DIPK1A: variants seen among roughly 807,000 people sequenced by gnomAD.
The protein encoded by DIPK1A is divergent protein kinase domain 1A, also known as family with sequence similarity 69 member A.
DIPK1A carries 27 observed loss-of-function variants against 40.8 expected under a neutral mutation model. The ratio of observed to expected loss-of-function variants is 0.66; its 90% CI spans 0.49 to 0.91. DIPK1A has a LOEUF of 0.91. Among genes scored for constraint, DIPK1A ranks in the 40% least tolerant of loss-of-function variants. The probability of loss-of-function intolerance (pLI) is 0.00; values close to 1 mark genes in which losing one functional copy is unlikely to be tolerated. For synonymous variants in DIPK1A, 166 were observed against 171.3 expected, an observed-to-expected ratio of 0.97 and a Z score of 0.24; for missense variants, 412 against 505.7, an observed-to-expected ratio of 0.81 and a Z score of 1.78.
chr1:92,921,538 G>A (rs1650268830), intron 1 of DIPK1A, among the ~76,000 whole-genome samples: 1 of 152,194 alleles, frequency 6.6e-6, no homozygotes, highest in South Asian at 2.1e-4. Context: ...CATCCTAAGT[G>A]CTTTTGAGGA....
At chr1:92,906,200 G>A (rs1457477196) in intron 1 of DIPK1A, among the ~76,000 whole-genome samples, 1 of 152,050 alleles carries the variant, frequency 6.6e-6, no homozygotes, top group Non-Finnish European at 1.5e-5. Flanking sequence ...GCTTGATACT[G>A]TTTTAAATGT....
chr1:92,927,106 CTT>C (rs1650544708), intron 1 of DIPK1A, among the ~76,000 whole-genome samples: 1 of 152,000 alleles, frequency 6.6e-6, no homozygotes, highest in Admixed American at 6.6e-5. Flanking sequence ...TTCTTATTGT[CTT>C]TTAAAAACAG....
chr1:92,866,901 CT>C (rs1259219115), intron 2 of DIPK1A, among the ~76,000 whole-genome samples: 1 of 152,140 alleles, frequency 6.6e-6, no homozygotes, highest in Admixed American at 6.6e-5. Context: ...CAATAAATCT[CT>C]TTATATCACT....
chr1:92,898,126 A>C (rs1324906716), intron 1 of DIPK1A, among the ~76,000 whole-genome samples: 4 of 151,472 alleles, frequency 2.6e-5, no homozygotes, highest in Non-Finnish European at 5.9e-5. Flanking sequence ...AACAAACAAA[A>C]AAAACAAGAG....
Position 92,876,312 on chromosome 1 carries a change from T to A in DIPK1A, c.173A>T (p.Asp58Val). ...STYTELCRGKDCKKIICDKYK... is the reference protein window; with the variant it reads ...STYTELCRGKVCKKIICDKYK... ...AATACTTACTATTATTTTCTTACAG[T>A]CCTTTCCTCTGCATAATTCTGTATA... Residue 58 changes from aspartate to valine, a missense_variant, in exon 2 of 5, where the codon GAC (aspartate) becomes GTC (valine). Coordinates refer to ENST00000370310, the MANE Select transcript of DIPK1A (RefSeq NM_001006605.5). 1 of 1,567,900 alleles carries A rather than the reference T, an allele frequency of 6.4e-7. No individual in the cohort carries two copies. The highest frequency in any genetic ancestry group is 8.7e-7 in the Non-Finnish European group (1 of 1,153,402).
rs918482955 is a variant in DIPK1A at position 92,910,937 on chromosome 1, C to T, written c.55-34507G>A. On this transcript the variant is annotated intron_variant, in intron 1 of 4. Coordinates refer to ENST00000370310, the MANE Select transcript of DIPK1A (RefSeq NM_001006605.5). ...CCACTCCATCACTACTAGTATCCCT[C>T]ATGTTGCCTTTTTATAGCCACATCC... 4.6e-5 allele frequency among the ~76,000 whole-genome samples: 7 copies of T among 152,286 alleles called. No individual in the cohort carries two copies. In the East Asian group the frequency reaches 1.3e-3, roughly 29 times the overall value.
In DIPK1A at chr1:92,857,613, G is replaced by A. The variant is rs372094855; in HGVS notation, c.190-6658C>T. On this transcript the variant is annotated intron_variant, in intron 2 of 4. Coordinates refer to ENST00000370310, the MANE Select transcript of DIPK1A (RefSeq NM_001006605.5). ...CTTGGGATTACAGGAGTGAGCCACC[G>A]TGCCCGGCTGTCATATTGTTTTTTA... is the stretch of plus-strand genomic sequence containing the variant. Among the ~76,000 whole-genome samples the A allele has an allele frequency of 4.6e-5, 7 of 152,182 alleles. No individual in the cohort carries two copies. In the South Asian group the frequency reaches 6.2e-4, roughly 14 times the overall value.
At chr1:92,945,178 A>G (rs1340347504) in intron 1 of DIPK1A, among the ~76,000 whole-genome samples, 2 of 152,152 alleles carry the variant, frequency 1.3e-5, no homozygotes, top group Admixed American at 6.5e-5. Flanking sequence ...AAGAAAAAAA[A>G]GAAGGATTTC....
At chr1:92,954,118 G>A (rs924190741) in intron 1 of DIPK1A, among the ~76,000 whole-genome samples, 12 of 151,972 alleles carry the variant, frequency 7.9e-5, no homozygotes, top group East Asian at 3.9e-4. Flanking sequence ...CGCATACTTC[G>A]TAGATTAAAA....
Position 92,833,574 on chromosome 1 carries a change from C to T in DIPK1A, c.475-540G>A, listed in dbSNP as rs772575122. 9.9e-6 allele frequency: 16 copies of T among 1,613,504 alleles called. No individual in the cohort carries two copies. Among genetic ancestry groups the T allele is most frequent in the Middle Eastern group, 3.5e-4 (2 of 5,744 alleles). On this transcript the variant is annotated intron_variant, in intron 4 of 4. Transcript: ENST00000615519. ...TAAAACTGATTATTATGCTCGGAAACGCTTGGTGATACAAGATAAAAATAA... is the reference window on the plus strand; with the variant it reads ...TAAAACTGATTATTATGCTCGGAAATGCTTGGTGATACAAGATAAAAATAA...
intron 4 of DIPK1A, chr1:92,836,072 G>A (rs1213470254): frequency 3.3e-6 from 3 of 904,142 alleles, no homozygotes; most frequent in East Asian, 2.4e-5. Context: ...AAGGGTGGGT[G>A]TGGAAGGAAA....
At chr1:92,936,570 G>A (rs925946273) in intron 1 of DIPK1A, among the ~76,000 whole-genome samples, 3 of 150,202 alleles carry the variant, frequency 2.0e-5, no homozygotes, top group Admixed American at 6.6e-5. Flanking sequence ...CTGAGGTTGC[G>A]ATGGGCCGAG....
chr1:92,890,452 T>C (rs1648812304), intron 1 of DIPK1A, among the ~76,000 whole-genome samples: 1 of 152,214 alleles, frequency 6.6e-6, no homozygotes, highest in Admixed American at 6.5e-5. Flanking sequence ...GGCTGTGGGT[T>C]TGTCATAGAT....
intron 1 of DIPK1A, among the ~76,000 whole-genome samples, chr1:92,943,386 A>G (rs1337937369): frequency 6.6e-6 from 1 of 152,140 alleles, no homozygotes; most frequent in Non-Finnish European, 1.5e-5. Flanking sequence ...CCAATCTGTC[A>G]GTTGGAACAC....
At position 92,834,793 on chromosome 1, in the gene DIPK1A, T is replaced by A. The variant is rs1031900489; in HGVS notation, c.475-1759A>T. ...TCTTACTATAGATTGCTTATGCCCG[T>A]ATAGAGGGGGATATGATAGTCTGCG... On this transcript the variant is annotated intron_variant, in intron 4 of 4. Coordinates refer to the DIPK1A transcript ENST00000615519. The A allele has an allele frequency of 3.1e-6, 5 of 1,613,216 alleles. No individual in the cohort carries two copies. In the Admixed American group the frequency reaches 5.0e-5, roughly 16 times the overall value.
chr1:92,936,901 C>G (rs895548064), intron 1 of DIPK1A, among the ~76,000 whole-genome samples: 5 of 152,170 alleles, frequency 3.3e-5, no homozygotes, highest in Admixed American at 2.6e-4. Flanking sequence ...CTTGAGACAA[C>G]TGTGAATTCA....
chr1:92,899,554 T>C (rs896681107), intron 1 of DIPK1A, among the ~76,000 whole-genome samples: 1 of 152,224 alleles, frequency 6.6e-6, no homozygotes, highest in African/African-American at 2.4e-5. Flanking sequence ...TTAAAGCTTA[T>C]TATTGATAGG....
At chr1:92,900,047 T>C (rs1238373626) in intron 1 of DIPK1A, among the ~76,000 whole-genome samples, 1 of 77,988 alleles carries the variant, frequency 1.3e-5, no homozygotes, top group Non-Finnish European at 2.5e-5. Context: ...TTGGAGTTTT[T>C]AGAATTCTTT....
At chr1:92,924,377 ATT>A (rs1650397673) in intron 1 of DIPK1A, among the ~76,000 whole-genome samples, 1 of 151,976 alleles carries the variant, frequency 6.6e-6, no homozygotes, top group African/African-American at 2.4e-5. Context: ...TTGAGTAGAA[ATT>A]TTGAGAATGG....
Sources: gnomAD v4.1 joint callset for allele counts (sites outside exome capture counted in the v4.1 genomes callset) on GRCh38, gnomAD v4.1.1 for gene constraint, MANE v1.5 for transcripts, NCBI Gene and HGNC (gene_info 2026-07-23, HGNC 2026-07-21) for gene names.